MYO18B: variants seen among roughly 807,000 people sequenced by gnomAD.
MYO18B encodes the protein myosin XVIIIB, also known as unconventional myosin-XVIIIb.
Under a neutral mutation model 273.0 loss-of-function variants are expected in MYO18B, and 204 were observed. That is an observed-to-expected ratio of 0.75 (90% CI 0.67 to 0.84). The LOEUF is 0.84. Ranked by LOEUF, MYO18B falls within the 40% of genes least tolerant of loss-of-function variation. The probability of loss-of-function intolerance (pLI) is 0.00; values close to 1 mark genes in which losing one functional copy is unlikely to be tolerated. For missense variants in MYO18B, 3,212 were observed against 3,287.6 expected, an observed-to-expected ratio of 0.98 and a Z score of 0.56; for synonymous variants, 1,330 against 1,305.7, an observed-to-expected ratio of 1.02 and a Z score of -0.40.
At chr22:25,954,361 CAT>C (rs1039077613) in intron 38 of MYO18B, among the ~76,000 whole-genome samples, 9 of 151,986 alleles carry the variant, frequency 5.9e-5, no homozygotes, top group African/African-American at 1.5e-4. Flanking sequence ...AACAAAAACA[CAT>C]GTGGGGGAAA....
At chr22:25,998,410 C>T (rs1430761202) in intron 40 of MYO18B, among the ~76,000 whole-genome samples, 2 of 152,160 alleles carry the variant, frequency 1.3e-5, no homozygotes, top group Admixed American at 1.3e-4. Flanking sequence ...AGTGAATGAC[C>T]TCTTGCTCTT....
intron 39 of MYO18B, among the ~76,000 whole-genome samples, chr22:25,978,501 T>A (rs992134209): frequency 2.0e-5 from 3 of 152,172 alleles, no homozygotes; most frequent in Non-Finnish European, 4.4e-5. Context: ...GGACTTGATA[T>A]GCGAAACAAC....
rs116483598 is a variant in MYO18B, at chr22:25,891,426, G to A, written c.4543+14G>A. ...CCACTGGAGGAGGTGAGCAGCCTGG[G>A]ACCCTTGGGGCTGGAAGGTGATGGA... On this transcript the variant is annotated intron_variant, in intron 27 of 43. Transcript: ENST00000335473. 11 of 1,511,918 alleles carry A rather than the reference G, an allele frequency of 7.3e-6. No homozygotes were observed. In the African/African-American group the frequency reaches 1.5e-4, roughly 21 times the overall value. The allele number at this position is 1,511,918 out of a possible 1,614,324, so 93.7% of individuals were successfully genotyped here.
At chr22:25,821,601 C>A (rs1601800004) in intron 12 of MYO18B, among the ~76,000 whole-genome samples, 1 of 152,094 alleles carries the variant, frequency 6.6e-6, no homozygotes, top group African/African-American at 2.4e-5. Flanking sequence ...CACAGTGAGA[C>A]CCTGTCTCTA....
intron 9 of MYO18B, 65 bp downstream of exon 9, chr22:25,780,263 C>T: frequency 6.6e-7 from 1 of 1,523,324 alleles, no homozygotes; most frequent in Non-Finnish European, 8.8e-7. Context: ...CCCCGGGACT[C>T]AGCAGAGCCC....
the MYO18B span, among the ~76,000 whole-genome samples, chr22:26,050,861 G>A: frequency 2.6e-5 from 4 of 152,182 alleles, no homozygotes; most frequent in African/African-American, 9.6e-5. Flanking sequence ...GTCCACCAGC[G>A]AATAGGTCCT....
At chr22:25,919,955 A>G (rs555043384) in intron 33 of MYO18B, among the ~76,000 whole-genome samples, 5 of 152,124 alleles carry the variant, frequency 3.3e-5, no homozygotes, top group Non-Finnish European at 7.3e-5. Context: ...TTATCTCAAC[A>G]CGAAGGATAG....
At chr22:25,771,336 G>T (rs2086713034) in intron 6 of MYO18B, among the ~76,000 whole-genome samples, 1 of 152,170 alleles carries the variant, frequency 6.6e-6, no homozygotes. Flanking sequence ...TACACAGCAT[G>T]TTTCTGTTTT....
chr22:25,922,642 G>A (rs569419974), intron 34 of MYO18B, among the ~76,000 whole-genome samples: 33 of 152,278 alleles, frequency 2.2e-4, no homozygotes, highest in African/African-American at 7.7e-4. Context: ...TCCAGTCAGA[G>A]GCTGAGCTGG....
chr22:25,908,608 A>G (rs938514247), intron 32 of MYO18B, among the ~76,000 whole-genome samples, 176 bp downstream of exon 32: 10 of 152,188 alleles, frequency 6.6e-5, no homozygotes, highest in African/African-American at 2.4e-4. Flanking sequence ...GGAAATGCCC[A>G]TCTTAAATAT....
At chr22:25,953,012 G>A (rs1252213187) in intron 38 of MYO18B, among the ~76,000 whole-genome samples, 2 of 152,250 alleles carry the variant, frequency 1.3e-5, no homozygotes, top group African/African-American at 4.8e-5. Context: ...ATGTTTAGAG[G>A]ATAGAGATCT....
At position 25,946,135 on chromosome 22, in the gene MYO18B, A is replaced by G; in HGVS notation, c.5518-2A>G. On this transcript the variant is annotated splice_acceptor_variant, in intron 34 of 43. Coordinates refer to ENST00000335473, the MANE Select transcript of MYO18B (RefSeq NM_032608.7). LOFTEE classifies it high-confidence loss of function. ...CTCTTCTCCACCTCTTGCCTGGTCC[A>G]GCTGGAGCAGAGTGAAGCCAAGTGT... The G allele has an allele frequency of 6.6e-7, 1 of 1,525,726 alleles. No individual in the cohort carries two copies. The highest frequency in any genetic ancestry group is 8.8e-7 in the Non-Finnish European group (1 of 1,140,472). 94.5% of individuals were successfully genotyped at this position (1,525,726 alleles called of 1,614,324 possible). A position where few individuals can be genotyped will look rare whatever the true frequency, so the allele number is the denominator to read the frequency against.
intron 34 of MYO18B, among the ~76,000 whole-genome samples, chr22:25,931,792 C>G (rs181618662): frequency 4.0e-5 from 6 of 150,754 alleles, no homozygotes; most frequent in Non-Finnish European, 8.8e-5. Flanking sequence ...AAGCAATCCT[C>G]CCACCTCAGC....
chr22:25,769,042 G>A lies in MYO18B; in HGVS notation c.1126G>A (p.Gly376Ser), dbSNP rs762209265. The change falls in exon 4 of 44, where the codon GGT (glycine) becomes AGT (serine). Residue 376 changes from glycine to serine, a missense_variant. Coordinates refer to ENST00000335473, the MANE Select transcript of MYO18B (RefSeq NM_032608.7). Reference protein sequence around the residue: ...GDDLRMGEKAGELRSTTGKAG... With the variant: ...GDDLRMGEKASELRSTTGKAG... ...CGATCTGAGAATGGGGGAGAAAGCA[G>A]GTGAGCTTCGGAGCACGACTGGGAA... 1.2e-6 allele frequency: 2 copies of A among 1,611,962 alleles called. No individual in the cohort carries two copies. The highest frequency in any genetic ancestry group is 2.2e-5 in the South Asian group (2 of 90,578).
At chr22:25,833,104 T>A in intron 16 of MYO18B, 107 bp downstream of exon 16, 1 of 1,044,266 alleles carries the variant, frequency 9.6e-7, no homozygotes, top group Non-Finnish European at 1.5e-6. Flanking sequence ...CGTGTGCACC[T>A]AGAGTCACCC....
At chr22:25,930,572 G>A (rs1160232495) in intron 34 of MYO18B, among the ~76,000 whole-genome samples, 1 of 151,066 alleles carries the variant, frequency 6.6e-6, no homozygotes, top group African/African-American at 2.4e-5. Context: ...GTGCAGTGGT[G>A]CAATCGCGGT....
At chr22:25,843,088 AT>A (rs1455874734) in intron 17 of MYO18B, among the ~76,000 whole-genome samples, 2 of 152,150 alleles carry the variant, frequency 1.3e-5, no homozygotes, top group Non-Finnish European at 2.9e-5. Context: ...GAGGAAACTG[AT>A]GCTCAGAGAC....
At chr22:26,010,735 G>A (rs1934842659) in intron 42 of MYO18B, among the ~76,000 whole-genome samples, 1 of 152,148 alleles carries the variant, frequency 6.6e-6, no homozygotes, top group African/African-American at 2.4e-5. Context: ...CTGACAGGCA[G>A]GACCAGGGAA....
At position 25,895,276 on chromosome 22, in the gene MYO18B, A is replaced by C. The variant is rs1486048476; in HGVS notation, c.4664A>C (p.Gln1555Pro). 6.3e-7 allele frequency: 1 copy of C among 1,597,006 alleles called. No individual in the cohort carries two copies. Among genetic ancestry groups the C allele is most frequent in the Non-Finnish European group, 8.5e-7 (1 of 1,171,842 alleles). The change falls in exon 28 of 44, where the codon CAA (glutamine) becomes CCA (proline). Residue 1555 changes from glutamine (Q) to proline (P), a missense_variant. Physicochemically the swap from Gln to Pro is moderately conservative, Grantham distance 76 (BLOSUM62 -1). Transcript: ENST00000335473. Reference protein sequence around the residue: ...SELTARKELEQKLGELQSAYD... With the variant: ...SELTARKELEPKLGELQSAYD... ...CTGACAGCCAGGAAAGAGCTGGAGCAAAAGGTAAGATGTGGGGATAGTCTG... is the reference window on the plus strand; with the variant it reads ...CTGACAGCCAGGAAAGAGCTGGAGCCAAAGGTAAGATGTGGGGATAGTCTG...
Sources: gnomAD v4.1 joint callset for allele counts (sites outside exome capture counted in the v4.1 genomes callset) on GRCh38, gnomAD v4.1.1 for gene constraint, MANE v1.5 for transcripts, NCBI Gene and HGNC (gene_info 2026-07-23, HGNC 2026-07-21) for gene names.